MAF: variants seen among roughly 807,000 people sequenced by gnomAD.
The protein encoded by MAF is MAF bZIP transcription factor.
A neutral mutation model predicts 22.0 loss-of-function variants in MAF; 10 were observed. The observed-to-expected ratio is 0.45, with a 90% CI of 0.28 to 0.77. The LOEUF is 0.77. Among genes scored for constraint, MAF ranks in the 30% least tolerant of loss-of-function variants. The pLI, the probability that MAF is intolerant of heterozygous loss-of-function variation, is 0.12. For missense variants in MAF, 544 were observed against 548.4 expected (o/e 0.99, Z 0.08); for synonymous variants, 337 against 255.8 (o/e 1.32, Z -3.03).
the MAF span, among the ~76,000 whole-genome samples, chr16:79,245,347 C>G: frequency 6.6e-6 from 1 of 151,856 alleles, no homozygotes; most frequent in South Asian, 2.1e-4. Context: ...CTGGAATCTA[C>G]AGATAACTTA....
the MAF span, among the ~76,000 whole-genome samples, chr16:79,220,318 G>C: frequency 6.6e-6 from 1 of 151,532 alleles, no homozygotes; most frequent in African/African-American, 2.4e-5. Context: ...TTGGGGGGCA[G>C]GATCAGAAAA....
the MAF span, among the ~76,000 whole-genome samples, chr16:79,331,688 C>G: frequency 0.011 from 1,608 of 152,268 alleles, 31 homozygotes; most frequent in African/African-American, 0.037. Flanking sequence ...GTCTCCAGCT[C>G]TTGGAGAGTA....
At chr16:79,412,668 A>C in the MAF span, among the ~76,000 whole-genome samples, 5 of 152,204 alleles carry the variant, frequency 3.3e-5, no homozygotes, top group Admixed American at 2.6e-4. Context: ...TTTCTCAGCT[A>C]TAAAATGGGG....
chr16:79,225,386 T>G, the MAF span, among the ~76,000 whole-genome samples: 1 of 152,078 alleles, frequency 6.6e-6, no homozygotes, highest in African/African-American at 2.4e-5. Flanking sequence ...GACCTAAACA[T>G]AAGACCTAAA....
chr16:79,308,849 C>G, the MAF span, among the ~76,000 whole-genome samples: 4,610 of 152,216 alleles, frequency 0.03, 247 homozygotes, highest in African/African-American at 0.11. Flanking sequence ...CCATGGTCCA[C>G]GCTCCTTTCC....
chr16:79,248,108 T>C, the MAF span, among the ~76,000 whole-genome samples: 1 of 152,176 alleles, frequency 6.6e-6, no homozygotes, highest in Admixed American at 6.6e-5. Flanking sequence ...AATTTTGCTA[T>C]TGATTCATTT....
the MAF span, among the ~76,000 whole-genome samples, chr16:79,506,503 A>G: frequency 2.0e-5 from 3 of 152,222 alleles, no homozygotes; most frequent in Non-Finnish European, 4.4e-5. Context: ...CTGCATGGGA[A>G]CTGGAATCAT....
intron 1 of MAF, chr16:79,595,565 C>T: frequency 9.4e-7 from 1 of 1,059,876 alleles, no homozygotes; most frequent in Non-Finnish European, 1.1e-6. Context: ...ACATTAGTTT[C>T]ATGAATTTGT....
chr16:79,443,671 G>A, the MAF span, among the ~76,000 whole-genome samples: 1 of 152,206 alleles, frequency 6.6e-6, no homozygotes, highest in Non-Finnish European at 1.5e-5. Context: ...CCCCGTGGAG[G>A]GGGAACCAGC....
At chr16:79,292,088 G>A in the MAF span, among the ~76,000 whole-genome samples, 8 of 152,032 alleles carry the variant, frequency 5.3e-5, no homozygotes, top group Non-Finnish European at 1.2e-4. Context: ...AGAAGACACT[G>A]GGACAAGGTT....
At chr16:79,439,257 C>CTTT in the MAF span, among the ~76,000 whole-genome samples, 47 of 130,796 alleles carry the variant, frequency 3.6e-4, 6 homozygotes, top group Admixed American at 3.2e-4. Context: ...TAGGTACTTA[C>CTTT]TTTTTTTTTT....
At chr16:79,382,590 C>A in the MAF span, among the ~76,000 whole-genome samples, 2 of 152,192 alleles carry the variant, frequency 1.3e-5, no homozygotes, top group African/African-American at 2.4e-5. Context: ...TGATCAGACC[C>A]TGAACGCAGC....
chr16:79,365,857 G>C, the MAF span, among the ~76,000 whole-genome samples: 46 of 152,334 alleles, frequency 3.0e-4, no homozygotes, highest in South Asian at 1.0e-3. Flanking sequence ...AGAATGTTAA[G>C]ACAATGTGTT....
chr16:79,412,299 C>A, the MAF span, among the ~76,000 whole-genome samples: 1 of 152,124 alleles, frequency 6.6e-6, no homozygotes, highest in Non-Finnish European at 1.5e-5. Context: ...GTATGATTAC[C>A]GTGGTACCAG....
the MAF span, among the ~76,000 whole-genome samples, chr16:79,218,399 C>G: frequency 2.6e-5 from 4 of 152,208 alleles, no homozygotes; most frequent in Admixed American, 1.3e-4. Flanking sequence ...CAATTAGCAT[C>G]TTTATGCATA....
At chr16:79,258,203 T>G in the MAF span, among the ~76,000 whole-genome samples, 16 of 152,238 alleles carry the variant, frequency 1.1e-4, no homozygotes, top group South Asian at 2.1e-3. Flanking sequence ...TATTTGCTGT[T>G]GTTAATATCA....
the MAF span, among the ~76,000 whole-genome samples, chr16:79,449,904 G>A: frequency 6.6e-6 from 1 of 152,304 alleles, no homozygotes; most frequent in South Asian, 2.1e-4. Context: ...GGCTATGCAA[G>A]CTTATGGGCT....
At chr16:79,330,559 C>T in the MAF span, among the ~76,000 whole-genome samples, 1 of 152,072 alleles carries the variant, frequency 6.6e-6, no homozygotes, top group Admixed American at 6.5e-5. Context: ...AGATACTGGG[C>T]CACCCACAGG....
the MAF span, among the ~76,000 whole-genome samples, chr16:79,428,866 A>ATAATAATAATAG: frequency 6.6e-6 from 1 of 151,206 alleles, no homozygotes; most frequent in Admixed American, 6.6e-5. Context: ...AATAATAATA[A>ATAATAATAATAG]TAATAGTAAT....
Sources: gnomAD v4.1 joint callset for allele counts (sites outside exome capture counted in the v4.1 genomes callset) on GRCh38, gnomAD v4.1.1 for gene constraint, MANE v1.5 for transcripts, NCBI Gene and HGNC (gene_info 2026-07-23, HGNC 2026-07-21) for gene names.